The following RAF1 variants were observed in gnomAD, a reference collection of about 807,000 sequenced individuals.
The protein encoded by RAF1 is Raf-1 proto-oncogene, serine/threonine kinase.
A neutral mutation model predicts 81.1 loss-of-function variants in RAF1; 27 were observed. The observed-to-expected ratio is 0.33, with a 90% CI of 0.25 to 0.46. The LOEUF is 0.46. RAF1 is among the 20% of genes least tolerant of loss of function. RAF1 has a pLI of 1.00. For synonymous variants in RAF1, 298 were observed against 294.0 expected (o/e 1.01, Z -0.14); for missense variants, 598 against 826.0 (o/e 0.72, Z 3.38).
intron 1 of RAF1, among the ~76,000 whole-genome samples, chr3:12,642,719 C>CACACACACACAAAA (rs1491570753): frequency 1.1e-4 from 16 of 141,476 alleles, no homozygotes; most frequent in Non-Finnish European, 1.8e-4. Flanking sequence ...CACACACACA[C>CACACACACACAAAA]AAAATAGCTG....
chr3:12,649,362 T>A (rs2060450235), intron 1 of RAF1, among the ~76,000 whole-genome samples: 1 of 152,092 alleles, frequency 6.6e-6, no homozygotes, highest in South Asian at 2.1e-4. Context: ...ATTTGGGAAA[T>A]CAAAGCAGTA....
chr3:12,583,841 A>G lies in RAF1; in HGVS notation c.*673T>C, dbSNP rs1017184493. 4.3e-5 allele frequency: 10 copies of G among 234,104 alleles called. No individual in the cohort carries two copies. The highest frequency in any genetic ancestry group is 2.2e-4 in the African/African-American group (10 of 45,234). The allele number at this position is 234,104 out of a possible 1,614,324, so 14.5% of individuals were successfully genotyped here. ...CCCATAGGGGCAGCTCCTGGAAGAC[A>G]AAATTCAGCATGATGGAAGACTGCT... On this transcript the variant is annotated 3_prime_UTR_variant, in exon 18 of 18. Coordinates refer to ENST00000442415, the MANE Select transcript of RAF1 (RefSeq NM_001354689.3).
At chr3:12,662,481 T>C (rs907767161) in intron 1 of RAF1, among the ~76,000 whole-genome samples, 7 of 151,632 alleles carry the variant, frequency 4.6e-5, no homozygotes, top group Non-Finnish European at 8.8e-5. Flanking sequence ...GAGAAAATTA[T>C]CAGCAAGAAT....
intron 1 of RAF1, among the ~76,000 whole-genome samples, chr3:12,661,883 CT>C (rs200551102): frequency 0.015 from 2,217 of 151,844 alleles, 54 homozygotes; most frequent in African/African-American, 0.048. Context: ...ATATAAAACA[CT>C]TATCAAAAAT....
intron 1 of RAF1, among the ~76,000 whole-genome samples, chr3:12,650,862 G>GT (rs2060502182): frequency 6.6e-6 from 1 of 152,180 alleles, no homozygotes; most frequent in African/African-American, 2.4e-5. Flanking sequence ...CTGAAATGTG[G>GT]TAAGGTCACT....
chr3:12,633,296 C>A (rs1364697020), intron 1 of RAF1, among the ~76,000 whole-genome samples: 1 of 151,616 alleles, frequency 6.6e-6, no homozygotes, highest in African/African-American at 2.4e-5. Flanking sequence ...GCCTGGACAA[C>A]ACAGTAAGAC....
chr3:12,641,047 G>C (rs2060168430), intron 1 of RAF1, among the ~76,000 whole-genome samples: 1 of 152,104 alleles, frequency 6.6e-6, no homozygotes. Flanking sequence ...AAAAGGATGA[G>C]TTCGTGTCCT....
At chr3:12,626,285 A>T (rs11711419) in intron 1 of RAF1, among the ~76,000 whole-genome samples, 31,753 of 150,118 alleles carry the variant, frequency 0.21, 3,671 homozygotes, top group African/African-American at 0.29. Context: ...TAAAAAAAAA[A>T]TTTTTTTTAA....
chr3:12,627,792 T>C (rs1190438031), intron 1 of RAF1, among the ~76,000 whole-genome samples: 1 of 152,218 alleles, frequency 6.6e-6, no homozygotes, highest in Non-Finnish European at 1.5e-5. Flanking sequence ...ATCTCTCAAC[T>C]GCATTTATTC....
intron 2 of RAF1, among the ~76,000 whole-genome samples, chr3:12,615,222 T>C (rs2059337851): frequency 6.6e-6 from 1 of 152,172 alleles, no homozygotes; most frequent in Non-Finnish European, 1.5e-5. Flanking sequence ...CAATCACTTA[T>C]CTAATAATAA....
At chr3:12,619,514 GAT>G (rs2059486594) in intron 1 of RAF1, among the ~76,000 whole-genome samples, 2 of 149,154 alleles carry the variant, frequency 1.3e-5, no homozygotes, top group African/African-American at 2.5e-5. Context: ...GCAGTGAGTC[GAT>G]ATCGTGTCAT....
chr3:12,591,682 G>A (rs2125346713), intron 12 of RAF1, 26 bp downstream of exon 11: 2 of 1,591,498 alleles, frequency 1.3e-6, no homozygotes, highest in African/African-American at 2.7e-5. Flanking sequence ...ACTCCAGAGG[G>A]ACTGGACCGC....
At chr3:12,638,136 C>T (rs1361328377) in intron 1 of RAF1, among the ~76,000 whole-genome samples, 1 of 152,184 alleles carries the variant, frequency 6.6e-6, no homozygotes, top group Non-Finnish European at 1.5e-5. Context: ...TATTGACTGC[C>T]TATACCACTA....
At chr3:12,644,618 A>G (rs555393113) in intron 1 of RAF1, among the ~76,000 whole-genome samples, 1 of 152,342 alleles carries the variant, frequency 6.6e-6, no homozygotes, top group Non-Finnish European at 1.5e-5. Context: ...AGCAAGGGCT[A>G]GCAGTCAAAT....
At chr3:12,618,865 A>G in intron 1 of RAF1, 118 bp from the exon 2 acceptor site, 2 of 768,470 alleles carry the variant, frequency 2.6e-6, no homozygotes, top group South Asian at 1.6e-5. Flanking sequence ...TACCTCCTGC[A>G]TTCATCAGCA....
rs186433307 is a variant in RAF1, at chr3:12,616,706, T to C, written c.207+1809A>G. On this transcript the variant is annotated intron_variant, in intron 2 of 17. Coordinates refer to ENST00000442415, the MANE Select transcript of RAF1 (RefSeq NM_001354689.3). ...ACTGTTAGAAGCAAACAGAAAACTC[T>C]GGACTGGGGTTCCCCACCTCAGAAC... is the stretch of plus-strand genomic sequence containing the variant. Among the ~76,000 whole-genome samples the C allele has an allele frequency of 3.3e-3, 509 of 152,254 alleles. 4 individuals carry two copies. The highest frequency in any genetic ancestry group is 5.6e-3 in the Non-Finnish European group (384 of 68,012).
rs2058790204 is a variant in RAF1 at position 12,599,513 on chromosome 3, T to C, written c.1168+178A>G. On this transcript the variant is annotated intron_variant, in intron 11 of 17. Coordinates refer to ENST00000442415, the MANE Select transcript of RAF1 (RefSeq NM_001354689.3). The stretch of plus-strand genomic sequence containing the variant: ...TAATTTCTAATTATCCTGGGAGCTT[T>C]ATAAGAACTTAGTCTAAAAAGAATT... 2.6e-5 allele frequency among the ~76,000 whole-genome samples: 4 copies of C among 152,200 alleles called. No homozygotes were observed. The South Asian group carries it at 8.3e-4, about 32-fold the overall frequency.
At chr3:12,646,918 CA>C in intron 1 of RAF1, among the ~76,000 whole-genome samples, 1 of 151,804 alleles carries the variant, frequency 6.6e-6, no homozygotes, top group East Asian at 2.0e-4. Flanking sequence ...CTCCTGACCT[CA>C]AATGATCCAC....
At chr3:12,645,904 T>C (rs1350566663) in intron 1 of RAF1, among the ~76,000 whole-genome samples, 1 of 152,152 alleles carries the variant, frequency 6.6e-6, no homozygotes, top group Non-Finnish European at 1.5e-5. Flanking sequence ...AAATATTGTT[T>C]GTAAATAATG....
Sources: gnomAD v4.1 joint callset for allele counts (sites outside exome capture counted in the v4.1 genomes callset) on GRCh38, gnomAD v4.1.1 for gene constraint, MANE v1.5 for transcripts, NCBI Gene and HGNC (gene_info 2026-07-23, HGNC 2026-07-21) for gene names.